COPB1: variants seen among roughly 807,000 people sequenced by gnomAD.
COPB1 encodes coat protein complex I subunit beta 1.
A neutral mutation model predicts 108.7 loss-of-function variants in COPB1; 21 were observed. The ratio of observed to expected loss-of-function variants is 0.19; its 90% CI spans 0.14 to 0.28. The LOEUF (loss-of-function observed/expected upper bound fraction) is 0.28. COPB1 is among the 10% of genes least tolerant of loss of function. The pLI is 1.00. For synonymous variants in COPB1, 378 were observed against 386.8 expected (o/e 0.98, Z 0.27); for missense variants, 919 against 1,141.3 (o/e 0.81, Z 2.81).
intron 4 of COPB1, among the ~76,000 whole-genome samples, chr11:14,491,346 C>G (rs1850897799): frequency 6.6e-6 from 1 of 152,138 alleles, no homozygotes; most frequent in Non-Finnish European, 1.5e-5. Context: ...CCACGCCCGG[C>G]CTGCTTTTTG....
chr11:14,482,576 C>T (rs989752997), intron 8 of COPB1, among the ~76,000 whole-genome samples: 4 of 152,042 alleles, frequency 2.6e-5, no homozygotes, highest in Admixed American at 6.5e-5. Context: ...ACTCTGTTGC[C>T]CAGGCTGGAG....
At chr11:14,469,006 T>G in intron 15 of COPB1, 146 bp from the exon 16 acceptor site, 1 of 731,010 alleles carries the variant, frequency 1.4e-6, no homozygotes, top group Non-Finnish European at 2.2e-6. Flanking sequence ...TTTCTTTTTT[T>G]TCTTCCTGAG....
intron 21 of COPB1, among the ~76,000 whole-genome samples, chr11:14,458,253 C>A (rs867788373): frequency 2.2e-4 from 34 of 151,646 alleles, no homozygotes; most frequent in African/African-American, 8.2e-4. Context: ...GCTAATTAGT[C>A]ACTAGATTTA....
intron 18 of COPB1, among the ~76,000 whole-genome samples, chr11:14,461,938 A>G (rs1850163660): frequency 6.6e-6 from 1 of 152,216 alleles, no homozygotes; most frequent in Admixed American, 6.5e-5. Flanking sequence ...CATATATTTT[A>G]AATCATCTCT....
intron 21 of COPB1, 58 bp from the exon 22 acceptor site, chr11:14,457,941 A>G (rs1372645011): frequency 1.0e-6 from 1 of 1,003,170 alleles, no homozygotes; most frequent in Non-Finnish European, 1.5e-6. Context: ...TCAGTAGGTT[A>G]TTCCATATTA....
At chr11:14,466,496 G>T in intron 16 of COPB1, 70 bp from the exon 17 acceptor site, 1 of 1,475,968 alleles carries the variant, frequency 6.8e-7, no homozygotes, top group South Asian at 1.3e-5. Flanking sequence ...CTGGCCAAAT[G>T]ATTAAGTCTG....
intron 1 of COPB1, among the ~76,000 whole-genome samples, chr11:14,499,259 A>G (rs558921583): frequency 1.7e-4 from 26 of 152,200 alleles, no homozygotes; most frequent in Middle Eastern, 3.4e-3. Context: ...ACACCCCACA[A>G]TGTTATGGAC....
intron 12 of COPB1, 145 bp from the exon 13 acceptor site, chr11:14,476,090 C>A (rs1458355494): frequency 2.1e-5 from 14 of 666,720 alleles, no homozygotes; most frequent in Non-Finnish European, 3.2e-5. Context: ...TTATTTCCTT[C>A]CCAGGATAAT....
chr11:14,470,388 C>T (rs890193454), intron 14 of COPB1, among the ~76,000 whole-genome samples: 1 of 151,892 alleles, frequency 6.6e-6, no homozygotes, highest in Non-Finnish European at 1.5e-5. Context: ...TCACCTGATG[C>T]TGCTATCTTA....
chr11:14,474,723 A>C, intron 13 of COPB1, 108 bp from the exon 14 acceptor site: 1 of 1,431,298 alleles, frequency 7.0e-7, no homozygotes, highest in Non-Finnish European at 9.3e-7. Flanking sequence ...ACCATCCTTC[A>C]GTGATAAGGA....
At chr11:14,477,135 G>C (rs568446215) in intron 11 of COPB1, 120 bp from the exon 12 acceptor site, 2 of 698,392 alleles carry the variant, frequency 2.9e-6, no homozygotes, top group Non-Finnish European at 5.0e-6. Context: ...TGTAATCCCA[G>C]CACTTTGGGA....
chr11:14,464,781 T>C (rs755427095), intron 18 of COPB1, 130 bp downstream of exon 18: 23 of 988,788 alleles, frequency 2.3e-5, no homozygotes, highest in Non-Finnish European at 3.4e-5. Flanking sequence ...CGTGGTACCA[T>C]AGAGAGTATC....
Position 14,498,993 on chromosome 11 carries a change from A to G in COPB1, c.-57-8T>C, listed in dbSNP as rs1268367555. On this transcript the variant is annotated splice_polypyrimidine_tract_variant and splice_region_variant and intron_variant, in intron 1 of 21. Transcript: ENST00000439561. ...TTAAGGATGCCAGAAAATCTAGAAA[A>G]ATAAACACAGACATATCATTACAAA... The G allele has an allele frequency of 1.5e-6, 2 of 1,314,916 alleles. No individual in the cohort carries two copies. The highest frequency in any genetic ancestry group is 1.5e-5 in the African/African-American group (1 of 66,196). 81.5% of individuals were successfully genotyped at this position (1,314,916 alleles called of 1,614,324 possible).
intron 18 of COPB1, 112 bp downstream of exon 18, chr11:14,464,799 T>C: frequency 8.5e-7 from 1 of 1,170,284 alleles, no homozygotes; most frequent in Non-Finnish European, 1.2e-6. Flanking sequence ...ATCTCATAAA[T>C]TATGAATAAA....
At chr11:14,474,049 T>C (rs1850465381) in intron 14 of COPB1, 1 of 152,936 alleles carries the variant, frequency 6.5e-6, no homozygotes, top group African/African-American at 2.4e-5. Flanking sequence ...TGCATACCAT[T>C]GTAAATGGGT....
At chr11:14,480,967 G>C (rs781110491) in intron 9 of COPB1, 23 bp downstream of exon 9, 1 of 1,609,850 alleles carries the variant, frequency 6.2e-7, no homozygotes, top group Admixed American at 1.7e-5. Context: ...TAGCTACAAA[G>C]TGCTGTCAGA....
intron 18 of COPB1, among the ~76,000 whole-genome samples, chr11:14,463,849 T>C (rs904911285): frequency 3.3e-5 from 5 of 152,164 alleles, no homozygotes; most frequent in African/African-American, 4.8e-5. Context: ...TCATTAACCA[T>C]ATCCTTAATA....
In COPB1 at chr11:14,475,875, C is replaced by T; in HGVS notation, c.1526G>A (p.Gly509Glu). 6.2e-7 allele frequency: 1 copy of T among 1,613,016 alleles called. No individual in the cohort carries two copies. The highest frequency in any genetic ancestry group is 2.2e-5 in the East Asian group (1 of 44,836). The change falls in exon 13 of 22, where the codon GGG becomes GAG. Residue 509 changes from glycine (G) to glutamate (E), a missense_variant. Gly to Glu is a moderately conservative substitution (Grantham distance 98). Around this residue, in one of 5 missense-constraint regions of COPB1, gnomAD observed 705 missense variants for 817.8 expected, o/e 0.86. Transcript: ENST00000439561. ...ELKPEEEITV[G>E]PVQKLVTEMG... ...TTCAGTAACCAATTTCTGAACTGGC[C>T]CTACAGTTATTTCTTCTTCAGGTTT...
rs1268721491 is a variant in COPB1, at chr11:14,461,346, AC to A, written c.2411-16del. 3 of 1,606,300 alleles carry A rather than the reference AC, an allele frequency of 1.9e-6. No homozygotes were observed. In the African/African-American group the frequency reaches 4.0e-5, roughly 21 times the overall value. On this transcript the variant is annotated splice_polypyrimidine_tract_variant and intron_variant, in intron 18 of 21. Transcript: ENST00000439561. ...GACATCATAAACTGCAATTACATAT[AC>A]AAAAAGATTCGCAATCACTGGGGCA...
Sources: gnomAD v4.1 joint callset for allele counts (sites outside exome capture counted in the v4.1 genomes callset) on GRCh38, gnomAD v4.1.1 for gene constraint, gnomAD v4.1.1 regional missense constraint, MANE v1.5 for transcripts, NCBI Gene and HGNC (gene_info 2026-07-23, HGNC 2026-07-21) for gene names.